Variants in PRKG1 observed in about 807,000 individuals in gnomAD.
The protein encoded by PRKG1 is cGMP-dependent protein kinase 1.
PRKG1 carries 35 observed loss-of-function variants against 88.1 expected under a neutral mutation model. That is an observed-to-expected ratio of 0.40 (90% CI 0.30 to 0.53). The LOEUF (loss-of-function observed/expected upper bound fraction) is 0.53, where lower values mean the gene tolerates loss of function less well. Ranked by LOEUF, PRKG1 falls within the 20% of genes least tolerant of loss-of-function variation. PRKG1 has a pLI of 0.59. For missense variants in PRKG1, 540 were observed against 839.8 expected (o/e 0.64, Z 4.41); for synonymous variants, 303 against 292.5 (o/e 1.04, Z -0.37).
intron 5 of PRKG1, among the ~76,000 whole-genome samples, chr10:51,978,061 T>C (rs750080405): frequency 9.9e-5 from 15 of 152,154 alleles, no homozygotes; most frequent in Non-Finnish European, 1.8e-4. Context: ...ATGTCTAGAA[T>C]GGTATTGCCT....
In PRKG1 at chr10:51,285,116, A is replaced by G. The variant is rs531600082; in HGVS notation, c.478+131786A>G. Among the ~76,000 whole-genome samples, 22 of 128,824 alleles carry G rather than the reference A, an allele frequency of 1.7e-4. No homozygotes were observed. The South Asian group carries it at 3.2e-3, about 19-fold the overall frequency. The allele number at this position is 128,824 out of a possible 152,430, so 84.5% of individuals were successfully genotyped here. A position where few individuals can be genotyped will look rare whatever the true frequency, so the allele number is the denominator to read the frequency against. ...TGTGACCATGTGATCTCATTGTTCA[A>G]TTCCCACCTATGAGTGAGAATATGC... On this transcript the variant is annotated intron_variant, in intron 2 of 17. Coordinates refer to ENST00000373980, the MANE Select transcript of PRKG1 (RefSeq NM_006258.4).
intron 4 of PRKG1, among the ~76,000 whole-genome samples, chr10:51,844,436 G>A (rs1330243658): frequency 6.6e-6 from 1 of 152,124 alleles, no homozygotes; most frequent in Admixed American, 6.6e-5. Flanking sequence ...TTGACCTAAT[G>A]ATAAAATTTG....
chr10:51,840,135 T>C (rs1329191962), intron 4 of PRKG1, among the ~76,000 whole-genome samples: 2 of 152,218 alleles, frequency 1.3e-5, no homozygotes, highest in African/African-American at 2.4e-5. Context: ...TGAATTGATA[T>C]GTCTGTTGGG....
chr10:52,050,816 A>G (rs1845971556), intron 5 of PRKG1, among the ~76,000 whole-genome samples: 2 of 152,218 alleles, frequency 1.3e-5, no homozygotes, highest in Non-Finnish European at 2.9e-5. Context: ...AGACTAGACT[A>G]TATCTGGATA....
At chr10:51,010,847 A>C (rs1200914298) in intron 1 of PRKG1, among the ~76,000 whole-genome samples, 3 of 152,204 alleles carry the variant, frequency 2.0e-5, no homozygotes, top group Non-Finnish European at 4.4e-5. Context: ...TCTTTCCTTA[A>C]TTTACATTTT....
At chr10:51,537,732 A>AC (rs1360165173) in intron 3 of PRKG1, among the ~76,000 whole-genome samples, 94 of 151,504 alleles carry the variant, frequency 6.2e-4, no homozygotes, top group Non-Finnish European at 1.1e-3. Flanking sequence ...TGTCTCAAAA[A>AC]AAAAAAAAAA....
intron 9 of PRKG1, among the ~76,000 whole-genome samples, chr10:52,171,125 GTTTTTTTTTTTTTT>G (rs1838659715): frequency 2.5e-5 from 2 of 79,954 alleles, no homozygotes; most frequent in Non-Finnish European, 4.1e-5. Context: ...TTATTGGTGT[GTTTTTTTTTTTTTT>G]GGTTTTGTTT....
At chr10:51,948,985 G>T (rs1843122184) in intron 5 of PRKG1, among the ~76,000 whole-genome samples, 1 of 152,050 alleles carries the variant, frequency 6.6e-6, no homozygotes, top group South Asian at 2.1e-4. Flanking sequence ...AATAAGACTT[G>T]CACCATAACA....
intron 3 of PRKG1, among the ~76,000 whole-genome samples, chr10:51,546,147 T>C (rs1189559643): frequency 2.0e-5 from 3 of 152,078 alleles, no homozygotes; most frequent in Non-Finnish European, 4.4e-5. Flanking sequence ...TATTTTAAAG[T>C]ATAATTATGC....
intron 3 of PRKG1, 106 bp downstream of exon 3, chr10:51,467,942 T>C (rs1248798667): frequency 7.1e-6 from 7 of 985,504 alleles, no homozygotes; most frequent in Non-Finnish European, 9.4e-6. Flanking sequence ...TTTTATTTCT[T>C]TGTATTTTAA....
At chr10:51,501,904 C>T (rs867421745) in intron 3 of PRKG1, among the ~76,000 whole-genome samples, 1 of 147,938 alleles carries the variant, frequency 6.8e-6, no homozygotes, top group African/African-American at 2.5e-5. Context: ...AACTGCTGAT[C>T]GTGATAAGAA....
intron 1 of PRKG1, among the ~76,000 whole-genome samples, chr10:51,062,003 T>C (rs963343953): frequency 4.6e-5 from 7 of 152,202 alleles, no homozygotes; most frequent in South Asian, 2.1e-4. Context: ...TTGTTGTACC[T>C]AATTGTTTTT....
intron 3 of PRKG1, among the ~76,000 whole-genome samples, chr10:51,608,690 A>C (rs1333587053): frequency 1.3e-5 from 2 of 152,168 alleles, no homozygotes; most frequent in Non-Finnish European, 1.5e-5. Flanking sequence ...AATGCAACCT[A>C]ATTAATGCTT....
At chr10:52,155,019 T>A (rs889484202) in intron 8 of PRKG1, among the ~76,000 whole-genome samples, 1 of 152,182 alleles carries the variant, frequency 6.6e-6, no homozygotes, top group African/African-American at 2.4e-5. Flanking sequence ...ATATACCACA[T>A]TTTCTTTATC....
At chr10:52,293,711 A>G (rs2132469488) in intron 17 of PRKG1, 91 bp from the exon 18 acceptor site, 1 of 985,940 alleles carries the variant, frequency 1.0e-6, no homozygotes, top group Non-Finnish European at 1.6e-6. Flanking sequence ...ATAGTCACTA[A>G]TAGGGAATAA....
intron 2 of PRKG1, among the ~76,000 whole-genome samples, chr10:51,328,825 A>T (rs1308515001): frequency 1.3e-5 from 2 of 152,126 alleles, no homozygotes; most frequent in Non-Finnish European, 2.9e-5. Flanking sequence ...AGAAATGTCT[A>T]TTCAGGATCT....
intron 1 of PRKG1, among the ~76,000 whole-genome samples, chr10:51,099,186 G>A (rs866382613): frequency 3.2e-4 from 48 of 152,022 alleles, no homozygotes; most frequent in African/African-American, 8.7e-4. Context: ...TCTGAGGCTC[G>A]CTTTGTATAG....
chr10:51,347,764 C>T lies in PRKG1; in HGVS notation c.479-119959C>T, dbSNP rs576352290. ...CCAGATTTAGCACCGGTTATCAGAA[C>T]ATAAAAGTCAACAAAGGCTGGGCGC... On this transcript the variant is annotated intron_variant, in intron 2 of 17. Coordinates refer to ENST00000373980, the MANE Select transcript of PRKG1 (RefSeq NM_006258.4). Among the ~76,000 whole-genome samples the T allele has an allele frequency of 2.0e-5, 3 of 152,064 alleles. No individual in the cohort carries two copies. In the East Asian group the frequency reaches 5.8e-4, roughly 29 times the overall value.
intron 2 of PRKG1, among the ~76,000 whole-genome samples, chr10:51,343,580 A>G (rs965699221): frequency 6.6e-6 from 1 of 152,160 alleles, no homozygotes; most frequent in East Asian, 1.9e-4. Context: ...TGGTAGATAT[A>G]TTACTGGTAT....
Sources: allele counts gnomAD v4.1 joint callset (sites outside exome capture counted in the v4.1 genomes callset), GRCh38; gene constraint gnomAD v4.1.1; transcripts MANE v1.5; gene names NCBI Gene and HGNC (gene_info 2026-07-23, HGNC 2026-07-21).